The following KCNB2 variants were observed in gnomAD, a reference collection of about 807,000 sequenced individuals.
KCNB2 encodes the protein potassium voltage-gated channel subfamily B member 2, also known as delayed rectifier potassium channel protein.
KCNB2 carries 15 observed loss-of-function variants against 61.5 expected under a neutral mutation model. The observed-to-expected ratio is 0.24, with a 90% CI of 0.16 to 0.38. KCNB2 has a LOEUF of 0.38. Among genes scored for constraint, KCNB2 ranks in the 10% least tolerant of loss-of-function variants. KCNB2 has a pLI of 1.00. For synonymous variants in KCNB2, 457 were observed against 446.0 expected (o/e 1.02, Z -0.31); for missense variants, 828 against 1,125.2 (o/e 0.74, Z 3.78).
At chr8:72,727,295 A>C (rs973932068) in intron 2 of KCNB2, among the ~76,000 whole-genome samples, 1 of 152,210 alleles carries the variant, frequency 6.6e-6, no homozygotes, top group African/African-American at 2.4e-5. Context: ...TTGTTTAGCT[A>C]TCAAATATTT....
chr8:72,923,207 A>G (rs762439690), intron 2 of KCNB2, among the ~76,000 whole-genome samples: 1 of 152,116 alleles, frequency 6.6e-6, no homozygotes, highest in East Asian at 1.9e-4. Context: ...GGCTTCAGAA[A>G]GAATAGATTG....
chr8:72,812,704 TATC>T (rs1307120127), intron 2 of KCNB2, among the ~76,000 whole-genome samples: 9 of 152,138 alleles, frequency 5.9e-5, no homozygotes, highest in Admixed American at 5.9e-4. Context: ...AATAGTCTAA[TATC>T]AATCCATCCT....
intron 2 of KCNB2, among the ~76,000 whole-genome samples, chr8:72,910,425 A>G (rs1486946675): frequency 1.3e-5 from 2 of 152,166 alleles, no homozygotes. Context: ...ACTGGAGGAA[A>G]TGGTGATAAG....
At chr8:72,693,796 TC>T (rs1413117495) in intron 2 of KCNB2, among the ~76,000 whole-genome samples, 1 of 152,152 alleles carries the variant, frequency 6.6e-6, no homozygotes, top group Non-Finnish European at 1.5e-5. Flanking sequence ...GTACCAATAT[TC>T]CTTGTCTCTG....
intron 2 of KCNB2, among the ~76,000 whole-genome samples, chr8:72,920,457 C>CTATATATA (rs1286454103): frequency 0.011 from 776 of 68,376 alleles, 80 homozygotes; most frequent in South Asian, 0.024. Context: ...ATCTATCTAT[C>CTATATATA]TATCTATCTA....
At chr8:72,821,637 AAAAC>A (rs1563395084) in intron 2 of KCNB2, among the ~76,000 whole-genome samples, 2,916 of 105,118 alleles carry the variant, frequency 0.028, 94 homozygotes, top group African/African-American at 0.099. Context: ...CACACAAAAA[AAAAC>A]AAAAAAAAAA....
chr8:72,545,289 G>C (rs975020283), intron 1 of KCNB2, among the ~76,000 whole-genome samples: 19 of 152,096 alleles, frequency 1.2e-4, no homozygotes, highest in African/African-American at 4.6e-4. Context: ...ATGGTGCTTT[G>C]TTTTATTGTG....
intron 2 of KCNB2, among the ~76,000 whole-genome samples, chr8:72,798,590 A>G (rs1232219156): frequency 6.6e-6 from 1 of 152,148 alleles, no homozygotes; most frequent in African/African-American, 2.4e-5. Flanking sequence ...AACACATACC[A>G]ATAGAGATGT....
At chr8:72,757,357 C>A (rs1165527584) in intron 2 of KCNB2, among the ~76,000 whole-genome samples, 1 of 152,040 alleles carries the variant, frequency 6.6e-6, no homozygotes, top group Non-Finnish European at 1.5e-5. Context: ...GAAAGGGAGA[C>A]AGCAAATACA....
At chr8:72,745,407 C>T (rs192164067) in intron 2 of KCNB2, among the ~76,000 whole-genome samples, 1 of 152,100 alleles carries the variant, frequency 6.6e-6, no homozygotes, top group Admixed American at 6.6e-5. Context: ...CACTCATGAC[C>T]AACTGGCCAC....
chr8:72,676,015 C>T (rs1382522865), intron 2 of KCNB2, among the ~76,000 whole-genome samples: 1 of 151,416 alleles, frequency 6.6e-6, no homozygotes. Flanking sequence ...AAAACATTCA[C>T]TTAAAGACAG....
At chr8:72,679,751 A>AG (rs1806721968) in intron 2 of KCNB2, among the ~76,000 whole-genome samples, 1 of 152,182 alleles carries the variant, frequency 6.6e-6, no homozygotes, top group Non-Finnish European at 1.5e-5. Context: ...ACCTGGCATC[A>AG]GTCTAAATGC....
At chr8:72,760,976 C>T (rs1384994367) in intron 2 of KCNB2, among the ~76,000 whole-genome samples, 1 of 152,172 alleles carries the variant, frequency 6.6e-6, no homozygotes, top group African/African-American at 2.4e-5. Context: ...TTCTTCCCAG[C>T]TGTATTTGGT....
At position 72,567,674 on chromosome 8, in the gene KCNB2, T is replaced by C. The variant is rs563188213; in HGVS notation, c.-61T>C. 12 of 1,128,124 alleles carry C rather than the reference T, an allele frequency of 1.1e-5. No homozygotes were observed. Among genetic ancestry groups the C allele is most frequent in the Admixed American group, 9.4e-5 (4 of 42,362 alleles). 69.9% of individuals were successfully genotyped at this position (1,128,124 alleles called of 1,614,324 possible). ...AGTGGAAATGCCTGCCCCAGAGGGATATTGCTTCAGTTGACCTCATTTTTT... is the reference window on the plus strand; with the variant it reads ...AGTGGAAATGCCTGCCCCAGAGGGACATTGCTTCAGTTGACCTCATTTTTT... On this transcript the variant is annotated 5_prime_UTR_variant, in exon 2 of 3. Coordinates refer to ENST00000523207, the MANE Select transcript of KCNB2 (RefSeq NM_004770.3).
chr8:72,725,448 G>A (rs373636025), intron 2 of KCNB2, among the ~76,000 whole-genome samples: 3 of 149,448 alleles, frequency 2.0e-5, no homozygotes, highest in South Asian at 4.2e-4. Context: ...TCTTCTGCTC[G>A]TGGGAGCATT....
chr8:72,774,457 TCTC>T (rs369483472), intron 2 of KCNB2, among the ~76,000 whole-genome samples: 230 of 152,268 alleles, frequency 1.5e-3, no homozygotes, highest in African/African-American at 5.3e-3. Context: ...TTCAAGCAGT[TCTC>T]CTGCCTCAGC....
chr8:72,584,068 A>G (rs1223486853), intron 2 of KCNB2, among the ~76,000 whole-genome samples: 1 of 151,844 alleles, frequency 6.6e-6, no homozygotes, highest in East Asian at 1.9e-4. Context: ...CCTCATAATT[A>G]TCGTTGTTTA....
chr8:72,861,507 A>G (rs923812071), intron 2 of KCNB2, among the ~76,000 whole-genome samples: 1 of 152,178 alleles, frequency 6.6e-6, no homozygotes, highest in Non-Finnish European at 1.5e-5. Flanking sequence ...CACCTGCTGT[A>G]AAGTACAGGC....
intron 2 of KCNB2, among the ~76,000 whole-genome samples, chr8:72,908,918 C>T (rs1427563194): frequency 6.6e-6 from 1 of 152,204 alleles, no homozygotes; most frequent in East Asian, 1.9e-4. Context: ...TTGGTTTTGA[C>T]ACATGTGGCC....
Sources: gnomAD v4.1 joint callset for allele counts (sites outside exome capture counted in the v4.1 genomes callset) on GRCh38, gnomAD v4.1.1 for gene constraint, MANE v1.5 for transcripts, NCBI Gene and HGNC (gene_info 2026-07-23, HGNC 2026-07-21) for gene names.